ARHGAP25: variants seen among roughly 807,000 people sequenced by gnomAD.
The protein encoded by ARHGAP25 is rho GTPase-activating protein 25.
In ARHGAP25, 34 loss-of-function variants were observed where a neutral mutation model predicts 71.0. That is an observed-to-expected ratio of 0.48 (90% CI 0.36 to 0.64). The LOEUF (loss-of-function observed/expected upper bound fraction) is 0.64, where lower values mean the gene tolerates loss of function less well. Ranked by LOEUF, ARHGAP25 falls within the 30% of genes least tolerant of loss-of-function variation. The probability of loss-of-function intolerance (pLI) is 0.00; values close to 1 mark genes in which losing one functional copy is unlikely to be tolerated. For synonymous variants in ARHGAP25, 282 were observed against 296.5 expected (o/e 0.95, Z 0.50); for missense variants, 706 against 805.1 (o/e 0.88, Z 1.49).
Position 68,736,975 on chromosome 2 carries a change from A to T in ARHGAP25, c.61+1715A>T, listed in dbSNP as rs149583529. Among the ~76,000 whole-genome samples the T allele has an allele frequency of 5.3e-3, 813 of 152,280 alleles. 3 individuals carry two copies. The highest frequency in any genetic ancestry group is 9.2e-3 in the Non-Finnish European group (624 of 68,016). On this transcript the variant is annotated intron_variant, in intron 1 of 10. Coordinates refer to ENST00000409202, the MANE Select transcript of ARHGAP25 (RefSeq NM_001007231.3). The stretch of plus-strand genomic sequence containing the variant: ...ACAGTGCTTGTTCTTAACTGGGCAC[A>T]CAATAAATATTTGTTGGCTGAATGA...
chr2:68,716,350 A>T (rs1039237218), intron 2 of ARHGAP25, among the ~76,000 whole-genome samples: 3 of 152,224 alleles, frequency 2.0e-5, no homozygotes, highest in Admixed American at 1.3e-4. Context: ...GCCCAGCAAG[A>T]TTCCCTCTGG....
At chr2:68,805,071 T>G (rs1475387109) in intron 4 of ARHGAP25, among the ~76,000 whole-genome samples, 1 of 152,024 alleles carries the variant, frequency 6.6e-6, no homozygotes, top group South Asian at 2.1e-4. Context: ...GCAGATATGA[T>G]GATATTTGAG....
chr2:68,769,759 T>G lies in ARHGAP25; in HGVS notation c.62-5462T>G, dbSNP rs112786142. ...GGGGCCTGAAGGGATTCTTGAAGGA[T>G]AAGTAAGAGTTTTCCAAGAGGTCAA... On this transcript the variant is annotated intron_variant, in intron 1 of 10. Coordinates refer to ENST00000409202, the MANE Select transcript of ARHGAP25 (RefSeq NM_001007231.3). 4.9e-3 allele frequency among the ~76,000 whole-genome samples: 716 copies of G among 146,258 alleles called. 5 individuals are homozygous for G. Among genetic ancestry groups the G allele is most frequent in the Non-Finnish European group, 8.5e-3 (573 of 67,044 alleles).
intron 1 of ARHGAP25, among the ~76,000 whole-genome samples, chr2:68,746,108 T>C (rs1227649519): frequency 6.6e-6 from 1 of 152,228 alleles, no homozygotes; most frequent in East Asian, 1.9e-4. Context: ...ATTTAAACTA[T>C]AGCACATAGC....
chr2:68,799,395 A>T (rs144568409), intron 4 of ARHGAP25, among the ~76,000 whole-genome samples: 1 of 152,192 alleles, frequency 6.6e-6, no homozygotes, highest in East Asian at 1.9e-4. Context: ...GGACAAAATC[A>T]TCTCAGTCTA....
chr2:68,761,123 G>A (rs542265931), intron 1 of ARHGAP25, among the ~76,000 whole-genome samples: 32 of 152,074 alleles, frequency 2.1e-4, no homozygotes, highest in African/African-American at 6.7e-4. Flanking sequence ...AGGGTGCCAC[G>A]ATAATTTAAT....
intron 4 of ARHGAP25, among the ~76,000 whole-genome samples, chr2:68,802,494 G>T (rs1680051072): frequency 6.6e-6 from 1 of 150,598 alleles, no homozygotes; most frequent in Non-Finnish European, 1.5e-5. Context: ...TCACAATTTT[G>T]CTAATTGGGT....
intron 1 of ARHGAP25, among the ~76,000 whole-genome samples, chr2:68,764,543 C>T (rs1677013384): frequency 6.6e-6 from 1 of 152,124 alleles, no homozygotes. Flanking sequence ...GACAGGCACC[C>T]TCTGTTCTCA....
intron 2 of ARHGAP25, among the ~76,000 whole-genome samples, chr2:68,776,492 G>A (rs938490142): frequency 1.3e-5 from 2 of 152,186 alleles, no homozygotes; most frequent in African/African-American, 4.8e-5. Flanking sequence ...GGAGGAAAAT[G>A]GTCAGCTTCT....
At chr2:68,791,382 A>G (rs950177762) in intron 4 of ARHGAP25, among the ~76,000 whole-genome samples, 14 of 152,206 alleles carry the variant, frequency 9.2e-5, no homozygotes, top group Non-Finnish European at 1.6e-4. Flanking sequence ...TCATTTTCCC[A>G]TAGCAGCACT....
chr2:68,717,713 G>T (rs11126195), intron 2 of ARHGAP25, among the ~76,000 whole-genome samples: 35,718 of 152,028 alleles, frequency 0.23, 4,452 homozygotes, highest in East Asian at 0.37. Context: ...TATCCATAAA[G>T]CAATGGCAGA....
intron 1 of ARHGAP25, among the ~76,000 whole-genome samples, chr2:68,751,894 G>T (rs534734324): frequency 1.9e-4 from 29 of 152,348 alleles, no homozygotes; most frequent in Admixed American, 1.6e-3. Context: ...TCATTGCGAG[G>T]TGTAAACTGA....
At chr2:68,752,772 A>G (rs1003240266) in intron 1 of ARHGAP25, among the ~76,000 whole-genome samples, 1 of 152,154 alleles carries the variant, frequency 6.6e-6, no homozygotes. Context: ...TTCCTGAGCC[A>G]TGATTTCCAA....
intron 1 of ARHGAP25, among the ~76,000 whole-genome samples, chr2:68,761,132 A>G (rs777461047): frequency 6.6e-6 from 1 of 152,046 alleles, no homozygotes; most frequent in Non-Finnish European, 1.5e-5. Flanking sequence ...CGATAATTTA[A>G]TGGGGAAAAG....
At chr2:68,774,645 G>A (rs1235961626) in intron 1 of ARHGAP25, among the ~76,000 whole-genome samples, 1 of 152,184 alleles carries the variant, frequency 6.6e-6, no homozygotes, top group African/African-American at 2.4e-5. Context: ...CTGTGGCCGG[G>A]GGCTGGGGTT....
intron 4 of ARHGAP25, among the ~76,000 whole-genome samples, chr2:68,796,833 G>C (rs910792176): frequency 6.6e-6 from 1 of 152,162 alleles, no homozygotes; most frequent in Non-Finnish European, 1.5e-5. Context: ...GGGCAGGTGA[G>C]TGGGCTTTTG....
intron 1 of ARHGAP25, among the ~76,000 whole-genome samples, chr2:68,761,970 T>C (rs1339316744): frequency 6.6e-6 from 1 of 152,174 alleles, no homozygotes; most frequent in Non-Finnish European, 1.5e-5. Flanking sequence ...AACTAAAACA[T>C]GGAGGCAACC....
At chr2:68,809,768 A>G (rs1488038747) in intron 5 of ARHGAP25, among the ~76,000 whole-genome samples, 1 of 152,150 alleles carries the variant, frequency 6.6e-6, no homozygotes, top group East Asian at 1.9e-4. Context: ...GATCCTCTGC[A>G]TTGGTTATGT....
At chr2:68,775,859 T>C in intron 2 of ARHGAP25, 1 of 353,436 alleles carries the variant, frequency 2.8e-6, no homozygotes. Flanking sequence ...AAAAATCTCT[T>C]CCATATGCAG....
Sources: allele counts gnomAD v4.1 joint callset (sites outside exome capture counted in the v4.1 genomes callset), GRCh38; gene constraint gnomAD v4.1.1; transcripts MANE v1.5; gene names NCBI Gene and HGNC (gene_info 2026-07-23, HGNC 2026-07-21).